The following GRIP1 variants were observed in gnomAD, a reference collection of about 807,000 sequenced individuals.
The protein encoded by GRIP1 is glutamate receptor-interacting protein 1.
A neutral mutation model predicts 129.9 loss-of-function variants in GRIP1; 45 were observed. The observed-to-expected ratio is 0.35, with a 90% CI of 0.27 to 0.44. The LOEUF is 0.44. Ranked by LOEUF, GRIP1 falls within the 20% of genes least tolerant of loss-of-function variation. The pLI is 1.00. For synonymous variants in GRIP1, 530 were observed against 520.8 expected, an observed-to-expected ratio of 1.02 and a Z score of -0.24; for missense variants, 1,196 against 1,396.8, an observed-to-expected ratio of 0.86 and a Z score of 2.29.
rs569806253 is a variant in GRIP1, at chr12:66,979,131, T to C, written c.58+89919A>G. 1.1e-4 allele frequency among the ~76,000 whole-genome samples: 16 copies of C among 148,696 alleles called. 2 individuals carry two copies. The South Asian group carries it at 2.1e-3, about 20-fold the overall frequency. ...AATTAAACAGAAAATACACTTTTTT[T>C]CCTGTATAGCAATAAATCCCAAGCA... On this transcript the variant is annotated intron_variant, in intron 1 of 1. Coordinates refer to the GRIP1 transcript ENST00000643019.
At chr12:66,622,420 ATATATT>A (rs2065312469) in intron 1 of GRIP1, among the ~76,000 whole-genome samples, 1 of 152,116 alleles carries the variant, frequency 6.6e-6, no homozygotes, top group South Asian at 2.1e-4. Context: ...AAATAAGGAA[ATATATT>A]TGGATTGTTT....
chr12:66,826,551 A>G (rs1394452686), intron 1 of GRIP1, among the ~76,000 whole-genome samples: 5 of 151,974 alleles, frequency 3.3e-5, no homozygotes, highest in African/African-American at 1.2e-4. Context: ...AACAGTAAGC[A>G]AAATGTTATT....
chr12:66,746,476 C>T (rs781325318), intron 1 of GRIP1, among the ~76,000 whole-genome samples: 1 of 152,108 alleles, frequency 6.6e-6, no homozygotes, highest in Non-Finnish European at 1.5e-5. Flanking sequence ...TGCACATTGA[C>T]GTTTGAGAGG....
intron 1 of GRIP1, among the ~76,000 whole-genome samples, chr12:66,797,381 A>G (rs1015809684): frequency 4.6e-5 from 7 of 152,086 alleles, no homozygotes; most frequent in Admixed American, 6.6e-5. Context: ...CTGGGGAGAC[A>G]CAGCTCTACT....
In GRIP1 at chr12:67,060,844, A is replaced by T. The variant is rs1241825580; in HGVS notation, c.58+8206T>A. 6.9e-4 allele frequency among the ~76,000 whole-genome samples: 98 copies of T among 141,552 alleles called. 2 individuals are homozygous for T. The highest frequency in any genetic ancestry group is 2.3e-3 in the African/African-American group (88 of 37,610). The allele number at this position is 141,552 out of a possible 152,430, so 92.9% of individuals were successfully genotyped here. A position where few individuals can be genotyped will look rare whatever the true frequency, so the allele number is the denominator to read the frequency against. Reference sequence around the variant, plus strand: ...CGTCTCAAAAAAAAAAAAAAAAAAAAATGTGTTGGCAGTGGAGAGCTGCAA... The same window carrying T: ...CGTCTCAAAAAAAAAAAAAAAAAAATATGTGTTGGCAGTGGAGAGCTGCAA... On this transcript the variant is annotated intron_variant, in intron 1 of 1. Coordinates refer to the GRIP1 transcript ENST00000643019.
chr12:66,453,761 T>C (rs987521351), intron 11 of GRIP1, among the ~76,000 whole-genome samples: 15 of 152,186 alleles, frequency 9.9e-5, no homozygotes, highest in Non-Finnish European at 2.2e-4. Context: ...TTTTCCCTAT[T>C]TTCAGTTGAG....
intron 2 of GRIP1, among the ~76,000 whole-genome samples, chr12:66,575,723 A>T (rs956699409): frequency 5.3e-5 from 8 of 152,304 alleles, no homozygotes; most frequent in African/African-American, 1.9e-4. Context: ...AATAAGAAGA[A>T]CATAGGCAAG....
intron 1 of GRIP1, chr12:67,064,942 C>T (rs1465286989): frequency 7.2e-6 from 1 of 139,456 alleles, no homozygotes; most frequent in Non-Finnish European, 1.5e-5. Flanking sequence ...GTGATGTTCC[C>T]CTTCCTGTGT....
chr12:66,690,311 C>G (rs1304931175), intron 1 of GRIP1, among the ~76,000 whole-genome samples: 1 of 151,930 alleles, frequency 6.6e-6, no homozygotes, highest in Non-Finnish European at 1.5e-5. Flanking sequence ...TAATATCCTC[C>G]AGGCTCATCT....
chr12:66,971,925 T>C (rs1480384658), intron 1 of GRIP1, among the ~76,000 whole-genome samples: 2 of 152,150 alleles, frequency 1.3e-5, no homozygotes, highest in African/African-American at 2.4e-5. Flanking sequence ...GGCTGCAGTG[T>C]AGTTTTCACT....
In GRIP1 at chr12:66,775,777, T is replaced by C. The variant is rs189557615; in HGVS notation, c.-420+28276A>G. On this transcript the variant is annotated intron_variant, in intron 1 of 4. Transcript: ENST00000538373. ...ACAACTGCTCTTTCTCCAACTCTAC[T>C]GTGCAGAAAATTGATATTCTGTGAT... 1.6e-3 allele frequency among the ~76,000 whole-genome samples: 249 copies of C among 152,266 alleles called. 2 individuals carry two copies. The highest frequency in any genetic ancestry group is 5.6e-3 in the African/African-American group (231 of 41,574).
At chr12:66,407,857 C>A (rs920148552) in intron 15 of GRIP1, among the ~76,000 whole-genome samples, 1 of 152,146 alleles carries the variant, frequency 6.6e-6, no homozygotes, top group African/African-American at 2.4e-5. Flanking sequence ...AGTGAGAAAC[C>A]AGCTGGGGTG....
chr12:66,665,022 T>C (rs898197211), intron 1 of GRIP1, among the ~76,000 whole-genome samples: 1 of 152,162 alleles, frequency 6.6e-6, no homozygotes, highest in Non-Finnish European at 1.5e-5. Flanking sequence ...TTCTTTTCCT[T>C]TTTTCTTTTT....
At chr12:66,451,383 GTTTTTTT>G (rs1169331519) in intron 11 of GRIP1, among the ~76,000 whole-genome samples, 35 of 42,632 alleles carry the variant, frequency 8.2e-4, no homozygotes, top group African/African-American at 3.4e-3. Context: ...ATTATAATCT[GTTTTTTT>G]TTTTTTTTTT....
intron 13 of GRIP1, among the ~76,000 whole-genome samples, chr12:66,444,349 G>A (rs549631568): frequency 9.2e-4 from 140 of 151,520 alleles, no homozygotes; most frequent in Admixed American, 1.6e-3. Context: ...AGCCGGGCGC[G>A]GTGGCGGGCG....
intron 1 of GRIP1, among the ~76,000 whole-genome samples, chr12:66,853,201 A>G (rs1466741118): frequency 6.6e-6 from 1 of 151,704 alleles, no homozygotes; most frequent in African/African-American, 2.4e-5. Context: ...GAGATTTTAA[A>G]TCCCTAAGTT....
At chr12:66,381,639 G>C (rs1363710511) in intron 19 of GRIP1, among the ~76,000 whole-genome samples, 1 of 152,166 alleles carries the variant, frequency 6.6e-6, no homozygotes, top group African/African-American at 2.4e-5. Context: ...CAACATTTTA[G>C]ACTGATTTTC....
chr12:66,895,400 T>C lies in GRIP1; in HGVS notation c.58+173650A>G, dbSNP rs1029257332. ...TTTGCTCCTCCTTTGCCTTCCACCATGATTGTGAGGCCTCCCAGCCACGTG... is the reference window on the plus strand; with the variant it reads ...TTTGCTCCTCCTTTGCCTTCCACCACGATTGTGAGGCCTCCCAGCCACGTG... On this transcript the variant is annotated intron_variant, in intron 1 of 1. Transcript: ENST00000643019. Among the ~76,000 whole-genome samples, 12 of 152,334 alleles carry C rather than the reference T, an allele frequency of 7.9e-5. No homozygotes were observed. In the South Asian group the frequency reaches 2.5e-3, roughly 32 times the overall value.
intron 11 of GRIP1, among the ~76,000 whole-genome samples, chr12:66,451,383 GTTTTTTTTTTTTTT>G (rs1169331519): frequency 0.013 from 557 of 42,614 alleles, 23 homozygotes; most frequent in African/African-American, 0.043. Flanking sequence ...ATTATAATCT[GTTTTTTTTTTTTTT>G]TTTTTTTTTT....
Sources: gnomAD v4.1 joint callset for allele counts (sites outside exome capture counted in the v4.1 genomes callset) on GRCh38, gnomAD v4.1.1 for gene constraint, MANE v1.5 for transcripts, NCBI Gene and HGNC (gene_info 2026-07-23, HGNC 2026-07-21) for gene names.